Variants in KIAA0825 observed in about 807,000 individuals in gnomAD.
KIAA0825 encodes KIAA0825.
A neutral mutation model predicts 147.6 loss-of-function variants in KIAA0825; 119 were observed. The observed-to-expected ratio is 0.81, with a 90% CI of 0.69 to 0.94. The LOEUF is 0.94. Among genes scored for constraint, KIAA0825 ranks in the 40% least tolerant of loss-of-function variants. KIAA0825 has a pLI of 0.00. For missense variants in KIAA0825, 1,381 were observed against 1,472.7 expected, an observed-to-expected ratio of 0.94 and a Z score of 1.02; for synonymous variants, 470 against 518.1, an observed-to-expected ratio of 0.91 and a Z score of 1.26.
At chr5:94,533,211 C>A (rs2151309098) in intron 3 of KIAA0825, among the ~76,000 whole-genome samples, 1 of 151,282 alleles carries the variant, frequency 6.6e-6, no homozygotes, top group South Asian at 2.1e-4. Context: ...ATCTCCTCAC[C>A]TCGTGATCCG....
At chr5:94,563,668 AG>A (rs1778002526) in intron 2 of KIAA0825, among the ~76,000 whole-genome samples, 1 of 152,066 alleles carries the variant, frequency 6.6e-6, no homozygotes, top group African/African-American at 2.4e-5. Context: ...CATTTCTGTG[AG>A]CATTGCCTTT....
intron 20 of KIAA0825, among the ~76,000 whole-genome samples, chr5:94,340,023 C>T (rs2150324470): frequency 6.6e-6 from 1 of 152,168 alleles, no homozygotes; most frequent in Non-Finnish European, 1.5e-5. Flanking sequence ...TTCCCATGTG[C>T]ACTGAAAAAT....
intron 14 of KIAA0825, among the ~76,000 whole-genome samples, chr5:94,434,494 A>G (rs2150807375): frequency 6.6e-6 from 1 of 152,358 alleles, no homozygotes. Context: ...ACAAAAAGCT[A>G]CAGACATCAC....
chr5:94,535,345 A>G lies in KIAA0825; in HGVS notation c.131+1651T>C, dbSNP rs1294051080. Reference sequence around the variant, plus strand: ...GCCAATGTCGTGAAACCCTGTCTGTACCAAAAATACAAAAATTAGCTGCGT... The same window carrying G: ...GCCAATGTCGTGAAACCCTGTCTGTGCCAAAAATACAAAAATTAGCTGCGT... On this transcript the variant is annotated intron_variant, in intron 3 of 20. Transcript: ENST00000682413. Among the ~76,000 whole-genome samples the G allele has an allele frequency of 2.6e-5, 4 of 151,962 alleles. No individual in the cohort carries two copies. In the East Asian group the frequency reaches 7.7e-4, roughly 29 times the overall value.
At chr5:94,382,265 G>A (rs1472045123) in intron 20 of KIAA0825, among the ~76,000 whole-genome samples, 1 of 151,970 alleles carries the variant, frequency 6.6e-6, no homozygotes, top group Non-Finnish European at 1.5e-5. Context: ...AGAGTTCTAT[G>A]GTCTAATTTT....
chr5:94,609,832 A>T (rs908000298), intron 1 of KIAA0825, among the ~76,000 whole-genome samples: 3 of 152,054 alleles, frequency 2.0e-5, no homozygotes, highest in African/African-American at 7.2e-5. Context: ...AAGAAAAGAA[A>T]GCAACATAGA....
At chr5:94,507,908 G>T (rs1384765632) in intron 5 of KIAA0825, among the ~76,000 whole-genome samples, 1 of 152,136 alleles carries the variant, frequency 6.6e-6, no homozygotes, top group Non-Finnish European at 1.5e-5. Context: ...AATCCCACTA[G>T]CAATAATGTG....
chr5:94,507,315 G>T (rs1381427592), intron 5 of KIAA0825, among the ~76,000 whole-genome samples: 1 of 152,082 alleles, frequency 6.6e-6, no homozygotes, highest in Non-Finnish European at 1.5e-5. Flanking sequence ...AGGCTTAGTG[G>T]TGCACACCTG....
At chr5:94,570,029 G>A (rs76290939) in intron 2 of KIAA0825, 8 of 152,588 alleles carry the variant, frequency 5.2e-5, no homozygotes, top group Non-Finnish European at 1.2e-4. Context: ...AGTCCAATGA[G>A]TCTGAGGTGG....
chr5:94,485,259 T>G (rs1173928071), intron 5 of KIAA0825, among the ~76,000 whole-genome samples: 1 of 151,510 alleles, frequency 6.6e-6, no homozygotes, highest in Non-Finnish European at 1.5e-5. Flanking sequence ...TTAAATCTAA[T>G]GACAAGGAAA....
At chr5:94,592,464 TG>T (rs1232013901) in intron 1 of KIAA0825, among the ~76,000 whole-genome samples, 6 of 152,120 alleles carry the variant, frequency 3.9e-5, no homozygotes, top group Non-Finnish European at 8.8e-5. Context: ...GGAAAGGTGA[TG>T]TCTCTCGAGG....
At chr5:94,497,456 T>C (rs1405381488) in intron 5 of KIAA0825, among the ~76,000 whole-genome samples, 1 of 152,118 alleles carries the variant, frequency 6.6e-6, no homozygotes, top group Non-Finnish European at 1.5e-5. Flanking sequence ...TATTAGAGAA[T>C]TAGCATAAAT....
At chr5:94,370,567 T>C (rs1746541254) in intron 20 of KIAA0825, among the ~76,000 whole-genome samples, 1 of 152,212 alleles carries the variant, frequency 6.6e-6, no homozygotes. Flanking sequence ...AGTTAAATTC[T>C]ATATTTACAT....
intron 7 of KIAA0825, 105 bp from the exon 8 acceptor site, chr5:94,473,624 ATT>A (rs1471990762): frequency 4.1e-6 from 3 of 738,196 alleles, no homozygotes; most frequent in African/African-American, 1.8e-5. Context: ...TGTTGAATAT[ATT>A]CTTTGATATA....
chr5:94,531,286 C>T (rs536398881), intron 3 of KIAA0825, among the ~76,000 whole-genome samples: 5 of 152,060 alleles, frequency 3.3e-5, no homozygotes, highest in South Asian at 2.1e-4. Context: ...TGTATGATGA[C>T]GGAGAAAGGA....
intron 20 of KIAA0825, among the ~76,000 whole-genome samples, chr5:94,208,940 G>T (rs1480682834): frequency 6.6e-6 from 1 of 152,140 alleles, no homozygotes; most frequent in Non-Finnish European, 1.5e-5. Flanking sequence ...TAAAATTCTA[G>T]TTCTCAGGCC....
At chr5:94,498,853 C>A (rs866945301) in intron 5 of KIAA0825, among the ~76,000 whole-genome samples, 2 of 152,172 alleles carry the variant, frequency 1.3e-5, no homozygotes, top group African/African-American at 4.8e-5. Flanking sequence ...AACTCGAGTC[C>A]AAATCTTCAT....
Position 94,152,888 on chromosome 5 carries a change from ATATATATATATATAT to A in KIAA0825, c.*1104_*1118del, listed in dbSNP as rs1562284246. The A allele has an allele frequency of 4.4e-3, 265 of 60,120 alleles. 48 individuals carry two copies. Among genetic ancestry groups the A allele is most frequent in the African/African-American group, 7.5e-3 (122 of 16,342 alleles). The allele number at this position is 60,120 out of a possible 1,614,324, so 3.7% of individuals were successfully genotyped here. ...TATATATATATATATATATATATAT[ATATATATATATATAT>A]GGTTTCTCCCAGACGTTCTTAGACT... is the stretch of plus-strand genomic sequence containing the variant. On this transcript the variant is annotated 3_prime_UTR_variant, in exon 21 of 21. Coordinates refer to ENST00000682413, the MANE Select transcript of KIAA0825 (RefSeq NM_001145678.3).
chr5:94,249,684 T>G (rs1195889265), intron 20 of KIAA0825, among the ~76,000 whole-genome samples: 2 of 152,114 alleles, frequency 1.3e-5, no homozygotes, highest in East Asian at 3.9e-4. Flanking sequence ...GCTCAAATGC[T>G]TCTTCCTCAG....
Sources: gnomAD v4.1 joint callset for allele counts (sites outside exome capture counted in the v4.1 genomes callset) on GRCh38, gnomAD v4.1.1 for gene constraint, MANE v1.5 for transcripts, NCBI Gene and HGNC (gene_info 2026-07-23, HGNC 2026-07-21) for gene names.